EPC2: variants seen among roughly 807,000 people sequenced by gnomAD.
EPC2 encodes enhancer of polycomb 2.
A neutral mutation model predicts 92.1 loss-of-function variants in EPC2; 14 were observed. The observed-to-expected ratio is 0.15, with a 90% confidence interval of 0.10 to 0.24. EPC2 has a LOEUF of 0.24. Ranked by LOEUF, EPC2 falls within the 10% of genes least tolerant of loss-of-function variation. The probability of loss-of-function intolerance (pLI) is 1.00; values close to 1 mark genes in which losing one functional copy is unlikely to be tolerated. For missense variants in EPC2, 755 were observed against 971.5 expected (o/e 0.78, Z 2.96); for synonymous variants, 340 against 334.7 (o/e 1.02, Z -0.17).
chr2:148,703,774 TC>T (rs577039641), intron 2 of EPC2, among the ~76,000 whole-genome samples: 1 of 152,288 alleles, frequency 6.6e-6, no homozygotes, highest in South Asian at 2.1e-4. Flanking sequence ...CAAGCAGTCC[TC>T]CTGCCTTGGA....
At chr2:148,751,130 G>A (rs1683076473) in intron 3 of EPC2, among the ~76,000 whole-genome samples, 1 of 151,998 alleles carries the variant, frequency 6.6e-6, no homozygotes, top group Admixed American at 6.6e-5. Context: ...CCATTAATGG[G>A]CTGATGGTAG....
chr2:148,644,773 A>T lies in EPC2; in HGVS notation c.-245A>T, dbSNP rs1341586751. ...TGTGGTAATGTCCGCCATGTTGGCC[A>T]TGGCGCAGGGAGCGGATCGGGCGGG... On this transcript the variant is annotated 5_prime_UTR_variant, in exon 1 of 14. An upstream start codon of the reference 5' UTR is lost. Coordinates refer to ENST00000258484, the MANE Select transcript of EPC2 (RefSeq NM_015630.4). 2.5e-6 allele frequency: 1 copy of T among 407,826 alleles called. No homozygotes were observed. The highest frequency in any genetic ancestry group is 2.3e-5 in the African/African-American group (1 of 44,268). 25.3% of individuals were successfully genotyped at this position (407,826 alleles called of 1,614,324 possible).
At chr2:148,656,024 T>TGG (rs71411354) in intron 1 of EPC2, among the ~76,000 whole-genome samples, 26 of 111,718 alleles carry the variant, frequency 2.3e-4, no homozygotes, top group African/African-American at 4.0e-4. Flanking sequence ...TGTGTGTGTG[T>TGG]GGGGGGGGGG....
At chr2:148,754,665 A>C (rs1359296536) in intron 4 of EPC2, among the ~76,000 whole-genome samples, 1 of 152,198 alleles carries the variant, frequency 6.6e-6, no homozygotes, top group African/African-American at 2.4e-5. Flanking sequence ...GAAGTAGGGA[A>C]GGGTTCATTT....
chr2:148,735,246 T>G (rs145377371), intron 2 of EPC2, among the ~76,000 whole-genome samples: 1 of 152,074 alleles, frequency 6.6e-6, no homozygotes, highest in Non-Finnish European at 1.5e-5. Flanking sequence ...CAAACTGATA[T>G]CAGTTTATAT....
chr2:148,677,672 G>C (rs1180860856), intron 1 of EPC2, among the ~76,000 whole-genome samples: 1 of 152,168 alleles, frequency 6.6e-6, no homozygotes, highest in Admixed American at 6.5e-5. Context: ...TCTTAAAGGT[G>C]GTGTGTCCAG....
chr2:148,726,152 G>T (rs970845811), intron 2 of EPC2, among the ~76,000 whole-genome samples: 2 of 152,064 alleles, frequency 1.3e-5, no homozygotes, highest in African/African-American at 4.8e-5. Flanking sequence ...ACTGTTAATA[G>T]TCTATTGTGT....
chr2:148,663,944 A>G (rs150183429), intron 1 of EPC2, among the ~76,000 whole-genome samples: 3,324 of 152,100 alleles, frequency 0.022, 59 homozygotes, highest in Non-Finnish European at 0.033. Flanking sequence ...CCTCTGCTCA[A>G]CTCCTGCTGT....
intron 2 of EPC2, chr2:148,692,810 G>A (rs557899309): frequency 3.9e-5 from 6 of 152,054 alleles, no homozygotes; most frequent in African/African-American, 9.7e-5. Context: ...CAGGCCCATC[G>A]AATACAATAA....
At chr2:148,763,558 A>G (rs543859888) in intron 6 of EPC2, among the ~76,000 whole-genome samples, 5 of 152,310 alleles carry the variant, frequency 3.3e-5, no homozygotes, top group Non-Finnish European at 2.9e-5. Context: ...GTTTGTGGAA[A>G]ATTCATCTTT....
chr2:148,710,113 A>C (rs1682104476), intron 2 of EPC2, among the ~76,000 whole-genome samples: 1 of 152,240 alleles, frequency 6.6e-6, no homozygotes, highest in African/African-American at 2.4e-5. Context: ...CAAAGGGGTA[A>C]TATCCAGAAT....
chr2:148,665,926 T>C (rs1278511703), intron 1 of EPC2, among the ~76,000 whole-genome samples: 2 of 152,208 alleles, frequency 1.3e-5, no homozygotes, highest in Admixed American at 6.5e-5. Flanking sequence ...AATATAGTTT[T>C]ACAGAAAAAA....
chr2:148,657,930 A>G (rs1166475887), intron 1 of EPC2, among the ~76,000 whole-genome samples: 1 of 151,764 alleles, frequency 6.6e-6, no homozygotes, highest in East Asian at 1.9e-4. Context: ...GTGCACTTTG[A>G]CAGACATATC....
In EPC2 at chr2:148,765,036, G is replaced by C. The variant is rs1439105899; in HGVS notation, c.1030G>C (p.Glu344Gln). Residue 344 changes from glutamate to glutamine, a missense_variant, in exon 7 of 14, where the codon GAG (glutamate) becomes CAG (glutamine). Glu to Gln is a conservative substitution (Grantham distance 29, BLOSUM62 2). Around this residue, in one of 4 missense-constraint regions of EPC2, gnomAD observed 509 missense variants for 607.7 expected, o/e 0.84. Coordinates refer to ENST00000258484, the MANE Select transcript of EPC2 (RefSeq NM_015630.4). ...GAAGTACCCAAAGAAGCCTAAAGCAGAGGCTTTGATAACATCTCAGCAACC... is the reference window on the plus strand; with the variant it reads ...GAAGTACCCAAAGAAGCCTAAAGCACAGGCTTTGATAACATCTCAGCAACC... ...KKKYPKKPKA[E>Q]ALITSQQPTP... 2.5e-6 allele frequency: 4 copies of C among 1,608,726 alleles called. No homozygotes were observed. The highest frequency in any genetic ancestry group is 3.4e-6 in the Non-Finnish European group (4 of 1,176,990).
intron 2 of EPC2, among the ~76,000 whole-genome samples, chr2:148,690,594 AG>A (rs1574584592): frequency 1.3e-5 from 2 of 152,242 alleles, no homozygotes; most frequent in East Asian, 3.8e-4. Context: ...TATGTAGTAT[AG>A]GATTTTGTAT....
intron 1 of EPC2, among the ~76,000 whole-genome samples, chr2:148,689,217 G>A (rs1210172050): frequency 2.8e-4 from 43 of 151,394 alleles, no homozygotes; most frequent in East Asian, 1.9e-4. Context: ...TCGCTGTGTC[G>A]CCCAGGCTGG....
At chr2:148,694,920 G>A (rs1236623965) in intron 2 of EPC2, among the ~76,000 whole-genome samples, 3 of 152,052 alleles carry the variant, frequency 2.0e-5, no homozygotes, top group East Asian at 1.9e-4. Flanking sequence ...TCACGGGTGC[G>A]TGCCACCACG....
chr2:148,764,431 G>A (rs1336735890), intron 6 of EPC2, among the ~76,000 whole-genome samples: 2 of 152,116 alleles, frequency 1.3e-5, no homozygotes, highest in African/African-American at 2.4e-5. Context: ...ACTTCAGAAC[G>A]TTACTGTTCA....
chr2:148,741,570 A>G (rs1270989069), intron 2 of EPC2, among the ~76,000 whole-genome samples: 1 of 152,170 alleles, frequency 6.6e-6, no homozygotes, highest in East Asian at 1.9e-4. Flanking sequence ...TAAGAAAGTC[A>G]TGCTGAATCT....
Sources: allele counts gnomAD v4.1 joint callset (sites outside exome capture counted in the v4.1 genomes callset), GRCh38; gene constraint gnomAD v4.1.1; regional missense constraint gnomAD v4.1.1; transcripts MANE v1.5; gene names NCBI Gene and HGNC (gene_info 2026-07-23, HGNC 2026-07-21).